The following GPC3 variants were observed in gnomAD, a reference collection of about 807,000 sequenced individuals.
GPC3 encodes glypican-3.
In GPC3, 3 loss-of-function variants were observed where a neutral mutation model predicts 34.4. The observed-to-expected ratio is 0.09, with a 90% CI of 0.04 to 0.23. The LOEUF (loss-of-function observed/expected upper bound fraction) is 0.23, where lower values mean the gene tolerates loss of function less well. Ranked by LOEUF, GPC3 falls within the 10% of genes least tolerant of loss-of-function variation. The pLI, the probability that GPC3 is intolerant of heterozygous loss-of-function variation, is 1.00. For synonymous variants in GPC3, 177 were observed against 174.0 expected (o/e 1.02, Z -0.13); for missense variants, 351 against 445.6 (o/e 0.79, Z 1.91).
chrX:133,798,442 G>A (rs1405814448), intron 2 of GPC3, among the ~76,000 whole-genome samples: 2 of 111,992 alleles, frequency 1.8e-5, no homozygotes, highest in Admixed American at 9.4e-5. Context: ...GCTAGATACC[G>A]ACACTGCTAG....
At chrX:133,781,898 A>T (rs1004900554) in intron 2 of GPC3, among the ~76,000 whole-genome samples, 6 of 111,580 alleles carry the variant, frequency 5.4e-5, no homozygotes, top group Non-Finnish European at 1.1e-4. Flanking sequence ...GTGAAATCCA[A>T]TCTCTCTTAT....
chrX:133,728,611 T>A (rs1473887570), intron 3 of GPC3, among the ~76,000 whole-genome samples: 1 of 112,747 alleles, frequency 8.9e-6, no homozygotes, highest in East Asian at 2.8e-4. Context: ...TCTATGCAGG[T>A]CATTTGGCTT....
intron 2 of GPC3, among the ~76,000 whole-genome samples, chrX:133,772,739 G>A (rs1023896662): frequency 4.5e-5 from 5 of 111,480 alleles, no homozygotes; most frequent in East Asian, 5.6e-4. Flanking sequence ...TAGCACATTC[G>A]TTTGGACCAG....
rs1011580998 is a variant in GPC3, at chrX:133,881,899, A to G, written c.337+71151T>C. On this transcript the variant is annotated intron_variant, in intron 2 of 7. Transcript: ENST00000370818. ...GCTTCTAAAGATCTGCTGGTTTTCA[A>G]TATAAAGGATGAAACAGGCTAGAAA... Among the ~76,000 whole-genome samples, 5 of 112,616 alleles carry G rather than the reference A, an allele frequency of 4.4e-5. No homozygotes were observed. The East Asian group carries it at 1.4e-3, about 32-fold the overall frequency.
chrX:133,677,804 T>C (rs2070899549), intron 5 of GPC3, among the ~76,000 whole-genome samples: 1 of 111,406 alleles, frequency 9.0e-6, no homozygotes, highest in Admixed American at 9.6e-5. Context: ...AAGCATGGTA[T>C]GAGAGGCAGG....
chrX:133,673,478 C>T (rs916714759), intron 5 of GPC3, among the ~76,000 whole-genome samples: 2 of 112,539 alleles, frequency 1.8e-5, no homozygotes, highest in Non-Finnish European at 3.8e-5. Context: ...CATACCTCAA[C>T]AACATGAGGG....
intron 3 of GPC3, among the ~76,000 whole-genome samples, chrX:133,731,930 C>A (rs1447669646): frequency 3.6e-5 from 4 of 112,297 alleles, no homozygotes; most frequent in Non-Finnish European, 7.5e-5. Flanking sequence ...CTATGCATTG[C>A]CTTACAAATT....
intron 2 of GPC3, among the ~76,000 whole-genome samples, chrX:133,829,763 TCAGA>T (rs1426835571): frequency 1.8e-5 from 2 of 111,521 alleles, no homozygotes; most frequent in Non-Finnish European, 3.8e-5. Context: ...TATATTAAAA[TCAGA>T]CAAAGTAGAC....
Position 133,554,718 on chromosome X carries a change from A to T in GPC3, c.1574-18425T>A, listed in dbSNP as rs779005406. ...TACCCCTGCTCTCTTTAAAATAGCC[A>T]ATTGGAATTAGCTTAGACTGTGTGG... On this transcript the variant is annotated intron_variant, in intron 7 of 7. Transcript: ENST00000370818. Among the ~76,000 whole-genome samples, 84 of 111,007 alleles carry T rather than the reference A, an allele frequency of 7.6e-4. No homozygotes were observed. In the Middle Eastern group the frequency reaches 0.014, roughly 18 times the overall value.
intron 7 of GPC3, among the ~76,000 whole-genome samples, chrX:133,568,575 C>G (rs1345298295): frequency 3.6e-5 from 4 of 111,931 alleles, no homozygotes; most frequent in Non-Finnish European, 7.5e-5. Context: ...TATTGTGTTA[C>G]AGTGTCTCAA....
chrX:133,919,415 A>G, intron 2 of GPC3, among the ~76,000 whole-genome samples: 1 of 112,323 alleles, frequency 8.9e-6, no homozygotes, highest in Admixed American at 9.4e-5. Flanking sequence ...AGACAAAGAG[A>G]ATCTCCTGTT....
At chrX:133,650,922 A>G (rs961763268) in intron 6 of GPC3, among the ~76,000 whole-genome samples, 1 of 111,849 alleles carries the variant, frequency 8.9e-6, no homozygotes, top group African/African-American at 3.2e-5. Flanking sequence ...CCCTAAAGCC[A>G]AGTTACTACA....
intron 2 of GPC3, among the ~76,000 whole-genome samples, chrX:133,834,931 C>G (rs1275639095): frequency 2.7e-5 from 3 of 111,736 alleles, no homozygotes; most frequent in Non-Finnish European, 5.6e-5. Context: ...AACATGCAAG[C>G]CAATATATTT....
At chrX:133,759,434 T>C (rs188448567) in intron 2 of GPC3, among the ~76,000 whole-genome samples, 98 of 111,662 alleles carry the variant, frequency 8.8e-4, no homozygotes, top group Admixed American at 2.5e-3. Context: ...TGGAACAAAA[T>C]ACAGAGCCCA....
intron 3 of GPC3, among the ~76,000 whole-genome samples, chrX:133,749,927 C>T (rs1001251381): frequency 5.4e-5 from 6 of 111,494 alleles, no homozygotes; most frequent in African/African-American, 2.0e-4. Context: ...CTTTTTGACC[C>T]GTACTGAGTA....
chrX:133,635,512 T>C (rs1453353937), intron 6 of GPC3, among the ~76,000 whole-genome samples: 2 of 112,087 alleles, frequency 1.8e-5, no homozygotes, highest in African/African-American at 3.2e-5. Context: ...CCTTCAGGTG[T>C]CAAAAAACAA....
In GPC3 at chrX:133,897,260, G is replaced by C. The variant is rs1274021836; in HGVS notation, c.337+55790C>G. On this transcript the variant is annotated intron_variant, in intron 2 of 7. Coordinates refer to ENST00000370818, the MANE Select transcript of GPC3 (RefSeq NM_004484.4). ...AGACAGGGTCTCACTATGTTGCCCA[G>C]GCTGGTCTTGAACTCCTGGACACAA... Among the ~76,000 whole-genome samples, 4 of 95,766 alleles carry C rather than the reference G, an allele frequency of 4.2e-5. No homozygotes were observed. The East Asian group carries it at 1.4e-3, about 33-fold the overall frequency. The allele number at this position is 95,766 out of a possible 115,157, so 83.2% of individuals were successfully genotyped here.
At chrX:133,593,330 CAAAAAAAAAAAAAAAAAAAAAAGTAAA>C (rs1230495705) in intron 7 of GPC3, among the ~76,000 whole-genome samples, 1 of 9,894 alleles carries the variant, frequency 1.0e-4, no homozygotes, top group African/African-American at 3.4e-4. Flanking sequence ...GAGACTGTCT[CAAAAAAAAAAAAAAAAAAAAAAGTAAA>C]AAAAAAAAAA....
chrX:133,558,451 A>G (rs2069512299), intron 7 of GPC3, among the ~76,000 whole-genome samples: 1 of 110,336 alleles, frequency 9.1e-6, no homozygotes, highest in Admixed American at 9.7e-5. Context: ...TCCTTTCTCT[A>G]TAGCTTCTTT....
Sources: gnomAD v4.1 joint callset for allele counts (sites outside exome capture counted in the v4.1 genomes callset) on GRCh38, gnomAD v4.1.1 for gene constraint, MANE v1.5 for transcripts, NCBI Gene and HGNC (gene_info 2026-07-23, HGNC 2026-07-21) for gene names.